Variants in CHAF1A observed in about 807,000 individuals in gnomAD.
CHAF1A encodes the protein CAF-1 subunit A.
CHAF1A carries 5 observed loss-of-function variants against 93.2 expected under a neutral mutation model. The ratio of observed to expected loss-of-function variants is 0.05; its 90% CI spans 0.03 to 0.11. The LOEUF is 0.11. Ranked by LOEUF, CHAF1A falls within the 10% of genes least tolerant of loss-of-function variation. The pLI is 1.00. For synonymous variants in CHAF1A, 504 were observed against 510.3 expected, an observed-to-expected ratio of 0.99 and a Z score of 0.17; for missense variants, 1,102 against 1,259.9, an observed-to-expected ratio of 0.87 and a Z score of 1.90.
Position 4,442,268 on chromosome 19 carries a change from C to T in CHAF1A, c.2697C>T (p.Gly899=), listed in dbSNP as rs750863913. Residue 899 remains glycine, a synonymous_variant, in exon 14 of 15, where the codon GGC becomes GGT. Transcript: ENST00000301280. The part of the protein sequence containing the change: ...DGQIGAEDMD[G]FQADTEEEEE... ...AGATTGGTGCTGAAGACATGGACGG[C>T]TTCCAGGCAGACACGGAGGAGGAGG... is the stretch of plus-strand genomic sequence containing the variant. The T allele has an allele frequency of 6.2e-6, 10 of 1,613,900 alleles. No individual in the cohort carries two copies. The Admixed American group carries it at 1.5e-4, about 24-fold the overall frequency.
downstream of CHAF1A, chr19:4,448,640 CCCCTT>C (rs1215483339): frequency 5.2e-6 from 3 of 573,114 alleles, no homozygotes; most frequent in East Asian, 5.8e-5. Context: ...ACTCAAGTCT[CCCCTT>C]CCGCCTTCTC....
intron 13 of CHAF1A, among the ~76,000 whole-genome samples, chr19:4,437,632 C>T (rs1259854831): frequency 6.6e-6 from 1 of 152,216 alleles, no homozygotes; most frequent in Non-Finnish European, 1.5e-5. Context: ...CTGACTGATG[C>T]TTCTGCACCC....
chr19:4,405,138 C>CT (rs1814722451), intron 1 of CHAF1A, among the ~76,000 whole-genome samples: 2 of 152,160 alleles, frequency 1.3e-5, no homozygotes, highest in Admixed American at 1.3e-4. Flanking sequence ...CGGTTACTCT[C>CT]TTAGTTGGCT....
chr19:4,410,974 C>A (rs548130136), intron 3 of CHAF1A, among the ~76,000 whole-genome samples: 5 of 152,150 alleles, frequency 3.3e-5, no homozygotes, highest in South Asian at 2.1e-4. Context: ...AGTCACGAGT[C>A]CCACGGTGTT....
intron 4 of CHAF1A, among the ~76,000 whole-genome samples, chr19:4,421,972 G>A (rs1456816461): frequency 1.3e-5 from 2 of 151,546 alleles, no homozygotes; most frequent in Non-Finnish European, 2.9e-5. Flanking sequence ...CTCCTGAGTA[G>A]CTGGGACTAC....
chr19:4,431,844 T>C, intron 11 of CHAF1A, 108 bp from the exon 12 acceptor site: 7 of 1,437,630 alleles, frequency 4.9e-6, no homozygotes, highest in Non-Finnish European at 6.6e-6. Context: ...TTTGTGCCCC[T>C]GTCCTTTCCT....
At chr19:4,419,029 A>ATTTTTTTTTTTTT (rs11406470) in intron 4 of CHAF1A, among the ~76,000 whole-genome samples, 39 of 96,436 alleles carry the variant, frequency 4.0e-4, no homozygotes, top group African/African-American at 5.6e-4. Context: ...TAGCCAGCTA[A>ATTTTTTTTTTTTT]TTTTTTTTTT....
chr19:4,432,758 T>TA lies in CHAF1A; in HGVS notation c.2204-297dup, dbSNP rs5826849. 4.7e-3 allele frequency among the ~76,000 whole-genome samples: 633 copies of TA among 135,798 alleles called. 5 individuals carry two copies. The highest frequency in any genetic ancestry group is 0.014 in the Admixed American group (197 of 13,690). The allele number at this position is 135,798 out of a possible 152,430, so 89.1% of individuals were successfully genotyped here. ...CTGGGTGACAGAGCAAGACCCTGTC[T>TA]AAAAAAAAAAAAAAACTCAAAAAAC... On this transcript the variant is annotated intron_variant, in intron 12 of 14. Coordinates refer to ENST00000301280, the MANE Select transcript of CHAF1A (RefSeq NM_005483.3).
rs1568427029 is a variant in CHAF1A, at chr19:4,402,735, G to A, written c.-28G>A. ...AGGGGAGCCCGCGCCTCCGCCGCCT[G>A]AGAGGAGGTCGAGCTGCCGCCGGGG... On this transcript the variant is annotated 5_prime_UTR_variant, in exon 1 of 15. Coordinates refer to ENST00000301280, the MANE Select transcript of CHAF1A (RefSeq NM_005483.3). The A allele has an allele frequency of 8.3e-7, 1 of 1,198,062 alleles. No homozygotes were observed. The highest frequency in any genetic ancestry group is 3.5e-5 in the East Asian group (1 of 28,654). 74.2% of individuals were successfully genotyped at this position (1,198,062 alleles called of 1,614,324 possible).
chr19:4,430,104 G>A, intron 10 of CHAF1A: 1 of 392,374 alleles, frequency 2.5e-6, no homozygotes, highest in Admixed American at 4.4e-5. Flanking sequence ...CCCAGCTGCT[G>A]TGACCTAGTG....
chr19:4,432,135 T>C lies in CHAF1A; in HGVS notation c.2131T>C (p.Phe711Leu). Residue 711 changes from phenylalanine to leucine, a missense_variant, in exon 12 of 15, where the codon TTC (phenylalanine) becomes CTC (leucine). By Grantham distance (22) the Phe-to-Leu change is conservative. Coordinates refer to ENST00000301280, the MANE Select transcript of CHAF1A (RefSeq NM_005483.3). ...LKVLQQFAAC[F>L]LETLPAQEEQ... ...GGTACTGCAGCAGTTCGCAGCCTGC[T>C]TCCTGGAGACCCTGCCGGCCCAGGA... is the stretch of plus-strand genomic sequence containing the variant. The C allele has an allele frequency of 1.2e-6, 2 of 1,613,524 alleles. 1 individual carries two copies. The highest frequency in any genetic ancestry group is 2.2e-5 in the South Asian group (2 of 91,072).
chr19:4,433,426 G>A lies in CHAF1A; in HGVS notation c.2560G>A (p.Gly854Ser). The A allele has an allele frequency of 6.2e-7, 1 of 1,610,864 alleles. No individual in the cohort carries two copies. ...GCCCTCGGCCCCCAAAGAGGACAGT[G>A]GCAGCGTCCCCTCCACGGGGCCCAG... Reference protein sequence around the residue: ...SVPSAPKEDSGSVPSTGPSQG... With the variant: ...SVPSAPKEDSSSVPSTGPSQG... Residue 854 changes from glycine (G) to serine (S), a missense_variant, in exon 13 of 15, where the codon GGC becomes AGC. Gly to Ser is a moderately conservative substitution (Grantham distance 56). Around this residue, in one of 6 missense-constraint regions of CHAF1A, gnomAD observed 76 missense variants for 129.8 expected, o/e 0.59. Coordinates refer to ENST00000301280, the MANE Select transcript of CHAF1A (RefSeq NM_005483.3). The surrounding 1 kb of genome is among the most constrained non-coding windows in gnomAD (Gnocchi z 5.6).
At chr19:4,450,221 C>CAAAAAAA in the CHAF1A span, 1 of 49,202 alleles carries the variant, frequency 2.0e-5, no homozygotes, top group Middle Eastern at 0.011. Flanking sequence ...GACTCTGTCT[C>CAAAAAAA]AAAAAAAAAA....
At chr19:4,446,253 C>T, downstream of CHAF1A, 3 of 1,568,502 alleles carry the variant, frequency 1.9e-6, no homozygotes, top group South Asian at 1.1e-5. Flanking sequence ...CCAACCCGAG[C>T]CGCCCTCCAC....
intron 13 of CHAF1A, among the ~76,000 whole-genome samples, chr19:4,435,626 T>C (rs1270690016): frequency 6.6e-6 from 1 of 152,082 alleles, no homozygotes; most frequent in Non-Finnish European, 1.5e-5. Context: ...TGCCTTTGCC[T>C]CCCAAAGTAC....
In CHAF1A at chr19:4,433,861, A is replaced by T. The variant is rs1229538455; in HGVS notation, c.2673+322A>T. ...ATGATCCGTCTGCCTTGTCCTCCCAAAGTGCTGGGATTACAGGCGTGAGCC... is the reference window on the plus strand; with the variant it reads ...ATGATCCGTCTGCCTTGTCCTCCCATAGTGCTGGGATTACAGGCGTGAGCC... On this transcript the variant is annotated intron_variant, in intron 13 of 14. Coordinates refer to ENST00000301280, the MANE Select transcript of CHAF1A (RefSeq NM_005483.3). The surrounding 1 kb of genome is among the most constrained non-coding windows in gnomAD (Gnocchi z 5.6). Among the ~76,000 whole-genome samples, 1 of 151,666 alleles carries T rather than the reference A, an allele frequency of 6.6e-6. No individual in the cohort carries two copies. Among genetic ancestry groups the T allele is most frequent in the Non-Finnish European group, 1.5e-5 (1 of 67,908 alleles).
At chr19:4,415,792 C>T (rs77539021) in intron 3 of CHAF1A, among the ~76,000 whole-genome samples, 7,913 of 152,028 alleles carry the variant, frequency 0.052, 249 homozygotes, top group Middle Eastern at 0.088. Flanking sequence ...TCAGTGGGAC[C>T]CAGGTGGAAA....
At chr19:4,435,133 C>T (rs181544201) in intron 13 of CHAF1A, among the ~76,000 whole-genome samples, 25 of 137,092 alleles carry the variant, frequency 1.8e-4, no homozygotes, top group Admixed American at 1.1e-3. Flanking sequence ...CGCTGTTGCC[C>T]GGGCTGGAGT....
In CHAF1A at chr19:4,433,582, T is replaced by C. The variant is rs1974230430; in HGVS notation, c.2673+43T>C. 2 of 1,437,704 alleles carry C rather than the reference T, an allele frequency of 1.4e-6. No homozygotes were observed. Among genetic ancestry groups the C allele is most frequent in the South Asian group, 2.7e-5 (2 of 73,022 alleles). 89.1% of individuals were successfully genotyped at this position (1,437,704 alleles called of 1,614,324 possible). On this transcript the variant is annotated intron_variant, in intron 13 of 14. Transcript: ENST00000301280. The surrounding 1 kb of genome is among the most constrained non-coding windows in gnomAD (Gnocchi z 5.6). ...GGTGGGGGCCTCTGCAGGGCTTTTCTTTTTTTGTTTGTTTTTTGTTGTTTT... is the reference window on the plus strand; with the variant it reads ...GGTGGGGGCCTCTGCAGGGCTTTTCCTTTTTTGTTTGTTTTTTGTTGTTTT...
Sources: gnomAD v4.1 joint callset for allele counts (sites outside exome capture counted in the v4.1 genomes callset) on GRCh38, gnomAD v4.1.1 for gene constraint, gnomAD v4.1.1 regional missense constraint, Gnocchi (gnomAD v3.1) non-coding constraint, MANE v1.5 for transcripts, NCBI Gene and HGNC (gene_info 2026-07-23, HGNC 2026-07-21) for gene names.